Variants in SPMIP3 observed in about 807,000 individuals in gnomAD.
The protein encoded by SPMIP3 is sperm microtubule inner protein 3.
the SPMIP3 span, among the ~76,000 whole-genome samples, chr1:244,354,603 C>T: frequency 3.4e-3 from 517 of 152,266 alleles, 2 homozygotes; most frequent in Non-Finnish European, 5.7e-3. Flanking sequence ...TCAAGTGATC[C>T]GCCTGCCTTG....
the SPMIP3 span, among the ~76,000 whole-genome samples, chr1:244,357,448 G>A: frequency 1.3e-5 from 2 of 151,906 alleles, no homozygotes; most frequent in African/African-American, 2.4e-5. Context: ...GGGGGCTCAC[G>A]GCTGTAATCC....
At chr1:244,361,176 TA>T in the SPMIP3 span, among the ~76,000 whole-genome samples, 1 of 151,634 alleles carries the variant, frequency 6.6e-6, no homozygotes, top group Non-Finnish European at 1.5e-5. Context: ...CAGTGTTTGG[TA>T]GCACAATGGG....
the SPMIP3 span, among the ~76,000 whole-genome samples, chr1:244,366,215 C>T: frequency 6.6e-6 from 1 of 152,132 alleles, no homozygotes; most frequent in Admixed American, 6.6e-5. Context: ...GGCTCTGTTG[C>T]CCAGGCTGGA....
the SPMIP3 span, among the ~76,000 whole-genome samples, chr1:244,379,507 A>G: frequency 6.6e-6 from 1 of 152,146 alleles, no homozygotes. Flanking sequence ...CACCTGGTTG[A>G]CCACTCTTCA....
the SPMIP3 span, among the ~76,000 whole-genome samples, chr1:244,378,903 CA>C: frequency 6.7e-6 from 1 of 149,716 alleles, no homozygotes; most frequent in African/African-American, 2.5e-5. Flanking sequence ...CAAGTCTGAC[CA>C]CGCTTTCTTT....
the SPMIP3 span, among the ~76,000 whole-genome samples, chr1:244,372,993 A>G: frequency 4.6e-5 from 7 of 152,120 alleles, no homozygotes; most frequent in Middle Eastern, 3.4e-3. Context: ...CTCTCCATCC[A>G]CATTTCCATC....
At chr1:244,372,667 A>C in the SPMIP3 span, among the ~76,000 whole-genome samples, 3 of 151,448 alleles carry the variant, frequency 2.0e-5, no homozygotes, top group African/African-American at 4.8e-5. Context: ...ATGGTCTCGA[A>C]CTCCTGACCT....
At chr1:244,353,064 GT>G in the SPMIP3 span, among the ~76,000 whole-genome samples, 1 of 152,318 alleles carries the variant, frequency 6.6e-6, no homozygotes, top group South Asian at 2.1e-4. Context: ...AGGTTACTGA[GT>G]TAGCTGATCG....
chr1:244,369,995 CAA>C, the SPMIP3 span, among the ~76,000 whole-genome samples: 1 of 152,166 alleles, frequency 6.6e-6, no homozygotes, highest in African/African-American at 2.4e-5. Context: ...TTCACCCACA[CAA>C]GTTTCCAGCT....
the SPMIP3 span, among the ~76,000 whole-genome samples, chr1:244,370,895 G>C: frequency 6.6e-6 from 1 of 152,180 alleles, no homozygotes; most frequent in Non-Finnish European, 1.5e-5. Context: ...TTATAAAGCA[G>C]AGAGTTAATC....
the SPMIP3 span, chr1:244,388,839 C>T: frequency 4.4e-4 from 355 of 804,684 alleles, 5 homozygotes; most frequent in East Asian, 8.8e-3. Flanking sequence ...ATTCATTTGT[C>T]TTAAACCCCA....
At chr1:244,376,817 C>CT in the SPMIP3 span, among the ~76,000 whole-genome samples, 5,296 of 146,422 alleles carry the variant, frequency 0.036, 322 homozygotes, top group African/African-American at 0.12. Context: ...CAGCATCCCC[C>CT]TTTTTTTTTT....
chr1:244,371,631 A>G, the SPMIP3 span, among the ~76,000 whole-genome samples: 1 of 152,192 alleles, frequency 6.6e-6, no homozygotes, highest in Non-Finnish European at 1.5e-5. Context: ...CGCTGAGTTT[A>G]CTCACCTGTA....
chr1:244,372,252 T>C, the SPMIP3 span, among the ~76,000 whole-genome samples: 1 of 152,212 alleles, frequency 6.6e-6, no homozygotes, highest in Non-Finnish European at 1.5e-5. Context: ...GAAGAGCTTT[T>C]TGAGGACAAG....
the SPMIP3 span, among the ~76,000 whole-genome samples, chr1:244,372,078 T>C: frequency 6.6e-6 from 1 of 152,290 alleles, no homozygotes; most frequent in South Asian, 2.1e-4. Context: ...CTAGCCCTCA[T>C]ACACTCCACT....
the SPMIP3 span, among the ~76,000 whole-genome samples, chr1:244,359,728 A>AAATT: frequency 6.6e-6 from 1 of 151,962 alleles, no homozygotes; most frequent in Non-Finnish European, 1.5e-5. Flanking sequence ...CACCTCAAAA[A>AAATT]AATTAATTAA....
the SPMIP3 span, among the ~76,000 whole-genome samples, chr1:244,353,660 G>A: frequency 6.6e-6 from 1 of 152,130 alleles, no homozygotes; most frequent in African/African-American, 2.4e-5. Context: ...TGTAGGACCT[G>A]AACAAAGCCC....
chr1:244,379,664 T>A, the SPMIP3 span, among the ~76,000 whole-genome samples: 1 of 152,108 alleles, frequency 6.6e-6, no homozygotes, highest in Non-Finnish European at 1.5e-5. Flanking sequence ...TTGTAATATG[T>A]GAGGCTGCAG....
chr1:244,360,095 G>A, the SPMIP3 span, among the ~76,000 whole-genome samples: 12 of 151,850 alleles, frequency 7.9e-5, no homozygotes, highest in Non-Finnish European at 1.2e-4. Flanking sequence ...GCAACAGAGC[G>A]AGACGCCATC....
Sources: allele counts gnomAD v4.1 joint callset (sites outside exome capture counted in the v4.1 genomes callset), GRCh38; gene constraint gnomAD v4.1.1; transcripts MANE v1.5; gene names NCBI Gene and HGNC (gene_info 2026-07-23, HGNC 2026-07-21).